The following SYNJ2 variants were observed in gnomAD, a reference collection of about 807,000 sequenced individuals.
SYNJ2 encodes polyphosphatidylinositol phosphatase SYNJ2.
Under a neutral mutation model 141.3 loss-of-function variants are expected in SYNJ2, and 116 were observed. The observed-to-expected ratio is 0.82, with a 90% CI of 0.71 to 0.96. SYNJ2 has a LOEUF of 0.96. SYNJ2 is among the 40% of genes least tolerant of loss of function. The probability of loss-of-function intolerance (pLI) is 0.00; values close to 1 mark genes in which losing one functional copy is unlikely to be tolerated. For synonymous variants in SYNJ2, 745 were observed against 777.7 expected, an observed-to-expected ratio of 0.96 and a Z score of 0.70; for missense variants, 1,873 against 1,934.8, an observed-to-expected ratio of 0.97 and a Z score of 0.60.
At chr6:158,042,695 T>G (rs1283844751) in intron 4 of SYNJ2, among the ~76,000 whole-genome samples, 1 of 152,252 alleles carries the variant, frequency 6.6e-6, no homozygotes, top group Non-Finnish European at 1.5e-5. Context: ...TTTGTTTCTC[T>G]GCAGGTGCTG....
At chr6:158,053,735 A>G (rs537382302) in intron 5 of SYNJ2, among the ~76,000 whole-genome samples, 85 of 144,022 alleles carry the variant, frequency 5.9e-4, no homozygotes, top group African/African-American at 2.2e-3. Context: ...CCAGCCATCA[A>G]TCCACCCAGC....
At chr6:158,024,674 A>C (rs1407433206) in intron 2 of SYNJ2, among the ~76,000 whole-genome samples, 1 of 152,240 alleles carries the variant, frequency 6.6e-6, no homozygotes, top group African/African-American at 2.4e-5. Flanking sequence ...CTTGGAGTTG[A>C]GGAACACACG....
chr6:158,037,515 CCTCAGCCTCCTGA>C (rs1187190112), intron 4 of SYNJ2, among the ~76,000 whole-genome samples: 4 of 151,656 alleles, frequency 2.6e-5, no homozygotes, highest in Middle Eastern at 3.4e-3. Context: ...CATTCTCCTG[CCTCAGCCTCCTGA>C]GTAGCTGGGA....
At chr6:158,032,962 G>A (rs1000731322) in intron 3 of SYNJ2, among the ~76,000 whole-genome samples, 12 of 152,230 alleles carry the variant, frequency 7.9e-5, no homozygotes, top group African/African-American at 2.9e-4. Flanking sequence ...CATGGTGCAT[G>A]TGTGTGTATA....
intron 13 of SYNJ2, 110 bp from the exon 14 acceptor site, chr6:158,069,423 G>T (rs532287006): frequency 1.5e-6 from 2 of 1,351,450 alleles, no homozygotes; most frequent in East Asian, 4.7e-5. Context: ...TGCGGGCAGC[G>T]TGAAATCAGT....
At chr6:158,078,485 T>G (rs1310206055) in intron 18 of SYNJ2, 1 of 378,824 alleles carries the variant, frequency 2.6e-6, no homozygotes, top group African/African-American at 2.1e-5. Context: ...CTTAGCATTT[T>G]GTCATTGCTC....
At chr6:158,074,494 G>C (rs1196145672) in intron 15 of SYNJ2, 86 bp from the exon 16 acceptor site, 1 of 1,418,590 alleles carries the variant, frequency 7.0e-7, no homozygotes, top group African/African-American at 1.4e-5. Context: ...AAATACTCCT[G>C]CTTGCCCCAG....
In SYNJ2 at chr6:157,997,312, A is replaced by T. The variant is rs76410101; in HGVS notation, c.127+15224A>T. On this transcript the variant is annotated intron_variant, in intron 1 of 26. Transcript: ENST00000355585. ...TGGAAATAGGGTCTTTGCAGATGCA[A>T]TGAAGATGTAAGTTAAGATGGGATC... Among the ~76,000 whole-genome samples the T allele has an allele frequency of 8.5e-5, 13 of 152,308 alleles. No individual in the cohort carries two copies. The East Asian group carries it at 1.9e-3, about 23-fold the overall frequency.
At chr6:158,021,466 C>T (rs1260613352) in intron 2 of SYNJ2, among the ~76,000 whole-genome samples, 1 of 152,238 alleles carries the variant, frequency 6.6e-6, no homozygotes, top group African/African-American at 2.4e-5. Context: ...GGGCTGGCCA[C>T]AGGCAGTTTC....
At chr6:158,044,448 G>T (rs147802339) in intron 5 of SYNJ2, among the ~76,000 whole-genome samples, 1 of 152,274 alleles carries the variant, frequency 6.6e-6, no homozygotes, top group Non-Finnish European at 1.5e-5. Flanking sequence ...TCCACGCTCT[G>T]GTAGGGAGAA....
intron 7 of SYNJ2, among the ~76,000 whole-genome samples, chr6:158,061,312 G>T (rs78693252): frequency 1.1e-4 from 16 of 152,298 alleles, no homozygotes; most frequent in African/African-American, 3.9e-4. Flanking sequence ...CCTTCATCAC[G>T]GGGCTCTCTG....
intron 1 of SYNJ2, among the ~76,000 whole-genome samples, chr6:157,985,027 G>A (rs1777149681): frequency 6.6e-6 from 1 of 152,204 alleles, no homozygotes; most frequent in Non-Finnish European, 1.5e-5. Flanking sequence ...GGAGATGAGG[G>A]GACTGGGCCT....
intron 2 of SYNJ2, among the ~76,000 whole-genome samples, chr6:158,020,860 T>A (rs762910562): frequency 6.6e-6 from 1 of 152,206 alleles, no homozygotes. Flanking sequence ...TTGGGAAAAA[T>A]TTCAATCTAC....
At chr6:158,067,745 T>C (rs1272260754) in intron 12 of SYNJ2, 8 of 984,998 alleles carry the variant, frequency 8.1e-6, no homozygotes, top group South Asian at 4.7e-5. Flanking sequence ...TGTGCCCTCC[T>C]TTCTGCCTCC....
Position 158,017,201 on chromosome 6 carries a change from C to T in SYNJ2, c.128-3C>T. On this transcript the variant is annotated splice_region_variant and splice_polypyrimidine_tract_variant and intron_variant, in intron 1 of 26. Transcript: ENST00000355585. ...TGCCTTCTGTGATGTGTTTCTTCCC[C>T]AGCTCCAGAAGAAAAGGAAGTCATT... is the stretch of plus-strand genomic sequence containing the variant. The T allele has an allele frequency of 1.2e-6, 2 of 1,613,276 alleles. No individual in the cohort carries two copies. The highest frequency in any genetic ancestry group is 1.7e-6 in the Non-Finnish European group (2 of 1,179,544).
chr6:157,995,669 A>G (rs925090955), intron 1 of SYNJ2, among the ~76,000 whole-genome samples: 2 of 152,250 alleles, frequency 1.3e-5, no homozygotes, highest in Non-Finnish European at 1.5e-5. Context: ...ATGCACACAC[A>G]CACACAGCGG....
intron 18 of SYNJ2, 70 bp from the exon 19 acceptor site, chr6:158,081,039 G>A (rs1449880112): frequency 7.0e-7 from 1 of 1,428,346 alleles, no homozygotes; most frequent in Admixed American, 1.7e-5. Flanking sequence ...AGGCTAACTG[G>A]GGACTGGAGG....
chr6:158,052,873 A>G (rs184433144), intron 5 of SYNJ2, among the ~76,000 whole-genome samples: 34 of 152,318 alleles, frequency 2.2e-4, no homozygotes, highest in Non-Finnish European at 3.4e-4. Context: ...AAGTACTTCA[A>G]TCTCATCTGC....
At chr6:158,012,941 C>G (rs1206970841) in intron 1 of SYNJ2, among the ~76,000 whole-genome samples, 1 of 152,168 alleles carries the variant, frequency 6.6e-6, no homozygotes, top group Non-Finnish European at 1.5e-5. Context: ...CTCTCCCTTC[C>G]CCAGAGAAAA....
Sources: gnomAD v4.1 joint callset for allele counts (sites outside exome capture counted in the v4.1 genomes callset) on GRCh38, gnomAD v4.1.1 for gene constraint, MANE v1.5 for transcripts, NCBI Gene and HGNC (gene_info 2026-07-23, HGNC 2026-07-21) for gene names.